KCNK12: variants seen among roughly 807,000 people sequenced by gnomAD.
KCNK12 encodes the protein potassium channel subfamily K member 12.
In KCNK12, 6 loss-of-function variants were observed where a neutral mutation model predicts 25.3. The observed-to-expected ratio is 0.24, with a 90% CI of 0.13 to 0.47. The LOEUF (loss-of-function observed/expected upper bound fraction) is 0.47. Among genes scored for constraint, KCNK12 ranks in the 20% least tolerant of loss-of-function variants. The pLI, the probability that KCNK12 is intolerant of heterozygous loss-of-function variation, is 0.99. For missense variants in KCNK12, 444 were observed against 661.7 expected (o/e 0.67, Z 3.61); for synonymous variants, 331 against 311.1 (o/e 1.06, Z -0.67).
intron 1 of KCNK12, among the ~76,000 whole-genome samples, chr2:47,542,393 G>A (rs1035912310): frequency 6.6e-6 from 1 of 152,214 alleles, no homozygotes; most frequent in South Asian, 2.1e-4. Flanking sequence ...AACACTAGGC[G>A]CTTAGTAGAT....
At chr2:47,544,642 C>A (rs1009698968) in intron 1 of KCNK12, among the ~76,000 whole-genome samples, 6 of 152,196 alleles carry the variant, frequency 3.9e-5, no homozygotes, top group African/African-American at 1.2e-4. Flanking sequence ...TAAATGGCCC[C>A]CTGGCAGCTT....
chr2:47,562,582 C>G lies in KCNK12; in HGVS notation c.391+7359G>C, dbSNP rs1349664778. On this transcript the variant is annotated intron_variant, in intron 1 of 1. Transcript: ENST00000327876. This position sits in a 1 kb window ranked among gnomAD's most constrained non-coding sequence, Gnocchi z 4.8. ...CACTTGGAGAGGGGACCTAGAGTCC[C>G]CTGGTAGGTGGCTAGGGAATGGCAG... is the stretch of plus-strand genomic sequence containing the variant. The G allele has an allele frequency of 2.1e-5, 5 of 233,840 alleles. No homozygotes were observed. In the South Asian group the frequency reaches 5.4e-4, roughly 25 times the overall value. 14.5% of individuals were successfully genotyped at this position (233,840 alleles called of 1,614,324 possible).
rs1406821093 is a variant in KCNK12, at chr2:47,556,122, A to G, written c.391+13819T>C. ...CTTTCCTGTAAAGGAGGGCAGAGAA[A>G]TGGGAAAGTAGCAGGAGGGTGATGC... is the stretch of plus-strand genomic sequence containing the variant. On this transcript the variant is annotated intron_variant, in intron 1 of 1. Coordinates refer to ENST00000327876, the MANE Select transcript of KCNK12 (RefSeq NM_022055.2). This position sits in a 1 kb window ranked among gnomAD's most constrained non-coding sequence, Gnocchi z 4.8. Among the ~76,000 whole-genome samples the G allele has an allele frequency of 6.6e-6, 1 of 152,198 alleles. No individual in the cohort carries two copies. Among genetic ancestry groups the G allele is most frequent in the African/African-American group, 2.4e-5 (1 of 41,458 alleles).
At chr2:47,535,283 C>T (rs951121126) in intron 1 of KCNK12, 7 of 233,058 alleles carry the variant, frequency 3.0e-5, no homozygotes, top group African/African-American at 6.6e-5. Flanking sequence ...TCTGCTAGCC[C>T]GACCTGCACC....
At position 47,521,675 on chromosome 2, in the gene KCNK12, G is replaced by A. The variant is rs1668658734; in HGVS notation, c.525C>T (p.Ile175=). ...LERIISLLAF[I]MRACRERQLR... The stretch of plus-strand genomic sequence containing the variant: ...GCTGGCGCTCCCGGCAGGCGCGCAT[G>A]ATGAAGGCCAGCAGCGAGATGATGC... The change falls in exon 2 of 2, where the codon ATC becomes ATT. Residue 175 remains isoleucine, a synonymous_variant. Coordinates refer to ENST00000327876, the MANE Select transcript of KCNK12 (RefSeq NM_022055.2). The A allele has an allele frequency of 1.9e-6, 3 of 1,600,466 alleles. No individual in the cohort carries two copies. The African/African-American group carries it at 4.0e-5, about 22-fold the overall frequency.
intron 1 of KCNK12, among the ~76,000 whole-genome samples, chr2:47,568,842 G>A (rs1000450314): frequency 1.3e-5 from 2 of 152,220 alleles, no homozygotes; most frequent in African/African-American, 4.8e-5. Context: ...GGGATTCAAA[G>A]CAGGAGTGGG....
intron 1 of KCNK12, among the ~76,000 whole-genome samples, chr2:47,539,727 G>T (rs17568484): frequency 2.0e-5 from 3 of 152,184 alleles, no homozygotes; most frequent in African/African-American, 7.2e-5. Flanking sequence ...ACGCCAGACT[G>T]CGAAGGGCTG....
rs2104898590 is a variant in KCNK12 at position 47,565,103 on chromosome 2, G to A, written c.391+4838C>T. 1 of 152,182 alleles carries A rather than the reference G, an allele frequency of 6.6e-6. No individual in the cohort carries two copies. The highest frequency in any genetic ancestry group is 2.1e-4 in the South Asian group (1 of 4,814). 9.4% of individuals were successfully genotyped at this position (152,182 alleles called of 1,614,324 possible). A position where few individuals can be genotyped will look rare whatever the true frequency, so the allele number is the denominator to read the frequency against. On this transcript the variant is annotated intron_variant, in intron 1 of 1. Coordinates refer to ENST00000327876, the MANE Select transcript of KCNK12 (RefSeq NM_022055.2). This position sits in a 1 kb window ranked among gnomAD's most constrained non-coding sequence, Gnocchi z 5.0. ...GATTGCTTGTGCCCAGGAGGTTGAG[G>A]CTATGGTAAGCTGTGTTTGCACCAC...
rs758564047 is a variant in KCNK12, at chr2:47,512,382, C to T, written c.*8525G>A. ...AGGAAACTTCGTGGGGGAAAGAGATCTGCTTGCAGTCGGCCAGAGAGACAG... is the reference window on the plus strand; with the variant it reads ...AGGAAACTTCGTGGGGGAAAGAGATTTGCTTGCAGTCGGCCAGAGAGACAG... On this transcript the variant is annotated 3_prime_UTR_variant, in exon 2 of 2. Coordinates refer to ENST00000327876, the MANE Select transcript of KCNK12 (RefSeq NM_022055.2). 8 of 1,611,870 alleles carry T rather than the reference C, an allele frequency of 5.0e-6. No homozygotes were observed. The highest frequency in any genetic ancestry group is 5.9e-6 in the Non-Finnish European group (7 of 1,179,550).
chr2:47,546,215 T>C (rs1436148344), intron 1 of KCNK12, among the ~76,000 whole-genome samples: 1 of 152,254 alleles, frequency 6.6e-6, no homozygotes, highest in Non-Finnish European at 1.5e-5. Flanking sequence ...TGGTCACCAA[T>C]TGTTGTTTGC....
rs1042462885 is a variant in KCNK12 at position 47,551,492 on chromosome 2, A to C, written c.391+18449T>G. 6.6e-6 allele frequency among the ~76,000 whole-genome samples: 1 copy of C among 152,208 alleles called. No homozygotes were observed. The highest frequency in any genetic ancestry group is 1.5e-5 in the Non-Finnish European group (1 of 68,022). On this transcript the variant is annotated intron_variant, in intron 1 of 1. Transcript: ENST00000327876. This position sits in a 1 kb window ranked among gnomAD's most constrained non-coding sequence, Gnocchi z 5.3. The stretch of plus-strand genomic sequence containing the variant: ...GCTCCATAAGCTAGGGACTTTGTCT[A>C]CTTGTTCACTGCTGTATCCCTGGGG...
In KCNK12 at chr2:47,512,624, G is replaced by C; in HGVS notation, c.*8283C>G. 1 of 601,096 alleles carries C rather than the reference G, an allele frequency of 1.7e-6. No homozygotes were observed. Among genetic ancestry groups the C allele is most frequent in the Non-Finnish European group, 2.9e-6 (1 of 347,832 alleles). The allele number at this position is 601,096 out of a possible 1,614,324, so 37.2% of individuals were successfully genotyped here. A position where few individuals can be genotyped will look rare whatever the true frequency, so the allele number is the denominator to read the frequency against. ...AGCGCCTTCTGGGAACTTCACAATG[G>C]CTAAAGTGTGCTAATGGGATGATGT... is the stretch of plus-strand genomic sequence containing the variant. On this transcript the variant is annotated 3_prime_UTR_variant, in exon 2 of 2. Coordinates refer to ENST00000327876, the MANE Select transcript of KCNK12 (RefSeq NM_022055.2).
intron 1 of KCNK12, among the ~76,000 whole-genome samples, chr2:47,546,879 G>C (rs1468624640): frequency 2.0e-5 from 3 of 152,006 alleles, no homozygotes; most frequent in Non-Finnish European, 2.9e-5. Context: ...AACTGATGAA[G>C]GCAGGTGGAG....
At chr2:47,531,220 C>T (rs1668918780) in intron 1 of KCNK12, among the ~76,000 whole-genome samples, 2 of 152,278 alleles carry the variant, frequency 1.3e-5, no homozygotes, top group South Asian at 4.2e-4. Context: ...CACCTGTAAT[C>T]CCAGCACTTT....
intron 1 of KCNK12, among the ~76,000 whole-genome samples, chr2:47,552,130 A>G (rs1192533974): frequency 6.6e-6 from 1 of 152,238 alleles, no homozygotes; most frequent in African/African-American, 2.4e-5. Flanking sequence ...AGCTTTATGG[A>G]AAAACATTAA....
At position 47,557,812 on chromosome 2, in the gene KCNK12, C is replaced by T. The variant is rs1234081823; in HGVS notation, c.391+12129G>A. On this transcript the variant is annotated intron_variant, in intron 1 of 1. Transcript: ENST00000327876. This position sits in a 1 kb window ranked among gnomAD's most constrained non-coding sequence, Gnocchi z 4.9. ...ACTGCCTTCTGGGTCATGTATATTG[C>T]TCACTAATTTGATGTTAGGAACTGA... is the stretch of plus-strand genomic sequence containing the variant. Among the ~76,000 whole-genome samples, 1 of 152,142 alleles carries T rather than the reference C, an allele frequency of 6.6e-6. No individual in the cohort carries two copies. Among genetic ancestry groups the T allele is most frequent in the Non-Finnish European group, 1.5e-5 (1 of 68,042 alleles).
At chr2:47,539,816 A>T (rs1158830362) in intron 1 of KCNK12, among the ~76,000 whole-genome samples, 1 of 152,182 alleles carries the variant, frequency 6.6e-6, no homozygotes, top group Non-Finnish European at 1.5e-5. Context: ...GAGGCCAAGG[A>T]CATCCACAGC....
intron 1 of KCNK12, among the ~76,000 whole-genome samples, chr2:47,546,054 T>C (rs1669306372): frequency 6.6e-6 from 1 of 152,090 alleles, no homozygotes; most frequent in South Asian, 2.1e-4. Context: ...AAGCTGTAAA[T>C]GAAGCAAGTG....
intron 1 of KCNK12, among the ~76,000 whole-genome samples, chr2:47,568,921 G>A (rs928692801): frequency 6.6e-6 from 1 of 152,160 alleles, no homozygotes; most frequent in East Asian, 1.9e-4. Context: ...GTGAGTAACC[G>A]AGGGTGGGGG....
Sources: gnomAD v4.1 joint callset for allele counts (sites outside exome capture counted in the v4.1 genomes callset) on GRCh38, gnomAD v4.1.1 for gene constraint, Gnocchi (gnomAD v3.1) non-coding constraint, MANE v1.5 for transcripts, NCBI Gene and HGNC (gene_info 2026-07-23, HGNC 2026-07-21) for gene names.